Variants in WWP2 observed in about 807,000 individuals in gnomAD.
The protein encoded by WWP2 is WW domain containing E3 ubiquitin protein ligase 2.
WWP2 carries 57 observed loss-of-function variants against 121.0 expected under a neutral mutation model. The observed-to-expected ratio is 0.47, with a 90% CI of 0.38 to 0.59. The LOEUF is 0.59. WWP2 is among the 20% of genes least tolerant of loss of function. WWP2 has a pLI of 0.00. For synonymous variants in WWP2, 449 were observed against 441.3 expected (o/e 1.02, Z -0.22); for missense variants, 962 against 1,158.9 (o/e 0.83, Z 2.47).
intron 7 of WWP2, among the ~76,000 whole-genome samples, chr16:69,884,895 G>A (rs1342317201): frequency 1.3e-5 from 2 of 152,068 alleles, no homozygotes; most frequent in Non-Finnish European, 2.9e-5. Flanking sequence ...AAATGAAGAA[G>A]GTGTGGTAGA....
chr16:69,804,514 T>G (rs1202812570), intron 4 of WWP2, among the ~76,000 whole-genome samples: 1 of 152,232 alleles, frequency 6.6e-6, no homozygotes, highest in African/African-American at 2.4e-5. Flanking sequence ...TATTTGGGCC[T>G]GCTTAGGGAC....
At chr16:69,815,715 A>G (rs1282766315) in intron 4 of WWP2, among the ~76,000 whole-genome samples, 1 of 148,222 alleles carries the variant, frequency 6.7e-6, no homozygotes, top group Non-Finnish European at 1.5e-5. Flanking sequence ...TGAACCTGAG[A>G]GGCGGAGGTT....
chr16:69,864,770 G>A (rs1486784038), intron 6 of WWP2, among the ~76,000 whole-genome samples: 2 of 150,726 alleles, frequency 1.3e-5, no homozygotes. Flanking sequence ...CACCCAGGCT[G>A]GAGTGCAATG....
At position 69,762,336 on chromosome 16, in the gene WWP2, G is replaced by A. The variant is rs1469501982; in HGVS notation, c.-71G>A. On this transcript the variant is annotated 5_prime_UTR_variant, in exon 1 of 24. Coordinates refer to ENST00000359154, the MANE Select transcript of WWP2 (RefSeq NM_001270454.2). ...GTCACGTGACCCGGCCCGAGTGCGGGCGGTGGAAGGCGGAAGTAGGAGAGG... is the reference window on the plus strand; with the variant it reads ...GTCACGTGACCCGGCCCGAGTGCGGACGGTGGAAGGCGGAAGTAGGAGAGG... 1.3e-5 allele frequency: 2 copies of A among 151,870 alleles called. No homozygotes were observed. Among genetic ancestry groups the A allele is most frequent in the East Asian group, 1.9e-4 (1 of 5,164 alleles). 9.4% of individuals were successfully genotyped at this position (151,870 alleles called of 1,614,324 possible).
intron 2 of WWP2, among the ~76,000 whole-genome samples, chr16:69,797,133 G>A (rs1226255217): frequency 6.6e-6 from 1 of 152,194 alleles, no homozygotes; most frequent in Non-Finnish European, 1.5e-5. Flanking sequence ...ATATACACTA[G>A]GATGTCTGTC....
rs763033318 is a variant in WWP2, at chr16:69,931,530, G to A, written c.1543G>A (p.Val515Met). Residue 515 changes from valine (V) to methionine (M), a missense_variant, in exon 15 of 24, where the codon GTG (valine) becomes ATG (methionine). Physicochemically the swap from Val to Met is conservative, Grantham distance 21. Transcript: ENST00000359154. ...TCAGTCAAATGCCCTACCTAGCCAC[G>A]TGAAGATCAGCGTTTCCAGGCAGAC... is the stretch of plus-strand genomic sequence containing the variant. Reference protein sequence around the residue: ...LCHSNALPSHVKISVSRQTLF... With the variant: ...LCHSNALPSHMKISVSRQTLF... The A allele has an allele frequency of 1.3e-5, 21 of 1,613,038 alleles. 1 individual carries two copies. The highest frequency in any genetic ancestry group is 6.7e-5 in the Admixed American group (4 of 59,902).
chr16:69,849,587 A>C (rs1280554855), intron 6 of WWP2, among the ~76,000 whole-genome samples: 4 of 152,138 alleles, frequency 2.6e-5, no homozygotes, highest in Admixed American at 2.6e-4. Flanking sequence ...GCAGTTGGTA[A>C]ATATGGAATA....
At chr16:69,846,807 G>A (rs1357772326) in intron 6 of WWP2, among the ~76,000 whole-genome samples, 1 of 152,066 alleles carries the variant, frequency 6.6e-6, no homozygotes, top group Non-Finnish European at 1.5e-5. Flanking sequence ...GGTGTAATGA[G>A]AAAAGAGTAC....
At chr16:69,833,134 C>T (rs1567692201) in intron 4 of WWP2, among the ~76,000 whole-genome samples, 1 of 152,262 alleles carries the variant, frequency 6.6e-6, no homozygotes, top group Non-Finnish European at 1.5e-5. Context: ...GCTGGGATTA[C>T]AGGCGTGAGC....
chr16:69,899,335 T>C (rs2058160439), intron 8 of WWP2, among the ~76,000 whole-genome samples: 2 of 151,966 alleles, frequency 1.3e-5, no homozygotes, highest in African/African-American at 4.8e-5. Flanking sequence ...CATAGTGAGA[T>C]ACCCATCTCA....
intron 9 of WWP2, among the ~76,000 whole-genome samples, chr16:69,912,994 ATTTTTTTTTTTTTTTTTTTTTTTTTTTT>A (rs1198509809): frequency 3.6e-3 from 14 of 3,942 alleles, no homozygotes; most frequent in African/African-American, 0.015. Context: ...ATATATATAT[ATTTTTTTTTTTTTTTTTTTTTTTTTTTT>A]TTTTTTTTTT....
chr16:69,929,152 CT>C (rs1290381007), intron 11 of WWP2, among the ~76,000 whole-genome samples: 1 of 152,144 alleles, frequency 6.6e-6, no homozygotes, highest in Non-Finnish European at 1.5e-5. Flanking sequence ...TTGAGCTGTG[CT>C]GCTCCCTCTG....
intron 8 of WWP2, among the ~76,000 whole-genome samples, chr16:69,903,281 G>T (rs2058233303): frequency 6.6e-6 from 1 of 152,166 alleles, no homozygotes; most frequent in African/African-American, 2.4e-5. Context: ...TTTCATTTCT[G>T]GCAGTGTGTG....
At chr16:69,885,874 T>C (rs2057914082) in intron 7 of WWP2, among the ~76,000 whole-genome samples, 1 of 152,180 alleles carries the variant, frequency 6.6e-6, no homozygotes, top group African/African-American at 2.4e-5. Flanking sequence ...AAATGTTACC[T>C]GGTATTTAAG....
At chr16:69,795,293 C>CACAT (rs1424201019) in intron 2 of WWP2, among the ~76,000 whole-genome samples, 2 of 148,634 alleles carry the variant, frequency 1.3e-5, no homozygotes, top group Non-Finnish European at 3.0e-5. Flanking sequence ...CACACACACA[C>CACAT]ATACACAGAG....
Position 69,786,980 on chromosome 16 carries a change from T to C in WWP2, c.-15-16T>C. 6.3e-7 allele frequency: 1 copy of C among 1,590,038 alleles called. No individual in the cohort carries two copies. Among genetic ancestry groups the C allele is most frequent in the South Asian group, 1.1e-5 (1 of 87,062 alleles). ...ATCAGATATTCTCTGAATTCTTTTT[T>C]CTGTTTGTCTTACAGCTTCACGGTG... On this transcript the variant is annotated splice_polypyrimidine_tract_variant and intron_variant, in intron 1 of 23. Transcript: ENST00000359154.
At position 69,908,776 on chromosome 16, in the gene WWP2, G is replaced by A. The variant is rs986387773; in HGVS notation, c.930G>A (p.Glu310=). Residue 310 remains glutamate, a synonymous_variant, in exon 9 of 24, where the codon GAG becomes GAA. Coordinates refer to ENST00000359154, the MANE Select transcript of WWP2 (RefSeq NM_001270454.2). ...DALPAGWEQR[E]LPNGRVYYVD... ...TATTTTTCAGATGGGAACAGCGAGA[G>A]CTGCCCAACGGACGTGTCTATTATG... is the stretch of plus-strand genomic sequence containing the variant. 4 of 1,614,118 alleles carry A rather than the reference G, an allele frequency of 2.5e-6. No individual in the cohort carries two copies. Among genetic ancestry groups the A allele is most frequent in the Non-Finnish European group, 3.4e-6 (4 of 1,180,044 alleles).
In WWP2 at chr16:69,925,161, G is replaced by C; in HGVS notation, c.1180-269G>C. 1.6e-6 allele frequency: 2 copies of C among 1,241,582 alleles called. No individual in the cohort carries two copies. The highest frequency in any genetic ancestry group is 2.0e-6 in the Non-Finnish European group (2 of 986,710). The allele number at this position is 1,241,582 out of a possible 1,614,324, so 76.9% of individuals were successfully genotyped here. On this transcript the variant is annotated intron_variant, in intron 10 of 23. Coordinates refer to ENST00000359154, the MANE Select transcript of WWP2 (RefSeq NM_001270454.2). This position sits in a 1 kb window ranked among gnomAD's most constrained non-coding sequence, Gnocchi z 4.0. ...GCCACCCTGGCACACCTTCACCCGC[G>C]TACCGCCTCCTCCCCGTCGCTCTGC...
At chr16:69,883,524 T>G (rs931217505) in intron 7 of WWP2, among the ~76,000 whole-genome samples, 1 of 152,160 alleles carries the variant, frequency 6.6e-6, no homozygotes, top group Non-Finnish European at 1.5e-5. Context: ...GCCTTCATAT[T>G]TTTCTGTTTC....
Sources: allele counts gnomAD v4.1 joint callset (sites outside exome capture counted in the v4.1 genomes callset), GRCh38; gene constraint gnomAD v4.1.1; non-coding constraint Gnocchi (gnomAD v3.1); transcripts MANE v1.5; gene names NCBI Gene and HGNC (gene_info 2026-07-23, HGNC 2026-07-21).